The following PHACTR3 variants were observed in gnomAD, a reference collection of about 807,000 sequenced individuals.
The protein encoded by PHACTR3 is protein phosphatase 1, regulatory subunit 123.
A neutral mutation model predicts 66.8 loss-of-function variants in PHACTR3; 16 were observed. The observed-to-expected ratio is 0.24, with a 90% CI of 0.16 to 0.36. The LOEUF (loss-of-function observed/expected upper bound fraction) is 0.36, where lower values mean the gene tolerates loss of function less well. Among genes scored for constraint, PHACTR3 ranks in the 10% least tolerant of loss-of-function variants. PHACTR3 has a pLI of 1.00. For synonymous variants in PHACTR3, 323 were observed against 292.1 expected, an observed-to-expected ratio of 1.11 and a Z score of -1.08; for missense variants, 647 against 719.9, an observed-to-expected ratio of 0.90 and a Z score of 1.16.
At chr20:59,806,314 G>C in intron 8 of PHACTR3, 120 bp downstream of exon 8, 2 of 1,315,238 alleles carry the variant, frequency 1.5e-6, no homozygotes, top group Non-Finnish European at 2.1e-6. Flanking sequence ...TCTGCAGCAG[G>C]TCTCTTGACC....
At chr20:59,838,705 A>G (rs533078051) in intron 9 of PHACTR3, among the ~76,000 whole-genome samples, 6 of 152,172 alleles carry the variant, frequency 3.9e-5, no homozygotes, top group Non-Finnish European at 8.8e-5. Flanking sequence ...GCAGTAATAC[A>G]TTTCTGGATA....
chr20:59,658,030 T>C (rs757579140), intron 1 of PHACTR3, among the ~76,000 whole-genome samples: 5 of 152,182 alleles, frequency 3.3e-5, no homozygotes, highest in Non-Finnish European at 5.9e-5. Context: ...GATTGAATAA[T>C]CTCTGACTGT....
chr20:59,699,013 G>C (rs1045194662), intron 1 of PHACTR3, among the ~76,000 whole-genome samples: 1 of 152,134 alleles, frequency 6.6e-6, no homozygotes, highest in African/African-American at 2.4e-5. Flanking sequence ...CAAATCCCTA[G>C]GTCATGTCAG....
At chr20:59,743,805 T>C (rs548420271) in intron 2 of PHACTR3, among the ~76,000 whole-genome samples, 54 of 152,314 alleles carry the variant, frequency 3.5e-4, no homozygotes, top group African/African-American at 1.2e-3. Flanking sequence ...TTGACACCTC[T>C]GGGCCTCTCT....
intron 3 of PHACTR3, among the ~76,000 whole-genome samples, chr20:59,752,593 A>AGTCCTTGC (rs71183183): frequency 9.5e-4 from 145 of 152,158 alleles, no homozygotes; most frequent in African/African-American, 1.2e-3. Flanking sequence ...ACCTGCAAGA[A>AGTCCTTGC]AGCAGGGGAA....
At chr20:59,840,534 G>A in intron 10 of PHACTR3, 104 bp downstream of exon 10, 1 of 1,501,460 alleles carries the variant, frequency 6.7e-7, no homozygotes. Flanking sequence ...CTGTGATCAT[G>A]AATAATGTTC....
chr20:59,697,387 T>C (rs2037337618), intron 1 of PHACTR3, among the ~76,000 whole-genome samples: 1 of 152,178 alleles, frequency 6.6e-6, no homozygotes, highest in Non-Finnish European at 1.5e-5. Context: ...AAAGAAAAGG[T>C]ATTTTTCATG....
intron 1 of PHACTR3, among the ~76,000 whole-genome samples, chr20:59,659,234 TCTTG>T (rs1454817543): frequency 6.6e-6 from 1 of 152,234 alleles, no homozygotes; most frequent in Non-Finnish European, 1.5e-5. Context: ...AATCAAATGT[TCTTG>T]CTTCTTCAGG....
chr20:59,582,791 C>T (rs545325101), intron 1 of PHACTR3, among the ~76,000 whole-genome samples: 3 of 152,030 alleles, frequency 2.0e-5, no homozygotes, highest in African/African-American at 4.8e-5. Context: ...GGTTTGTGAG[C>T]GCCGTCGATC....
chr20:59,737,522 G>A (rs560082376), intron 1 of PHACTR3, among the ~76,000 whole-genome samples: 9 of 126,044 alleles, frequency 7.1e-5, no homozygotes, highest in Admixed American at 3.2e-4. Flanking sequence ...GCATGTGTGC[G>A]TGTATGTGTG....
intron 1 of PHACTR3, among the ~76,000 whole-genome samples, chr20:59,584,358 C>T (rs921627359): frequency 2.7e-5 from 4 of 146,754 alleles, no homozygotes; most frequent in East Asian, 4.1e-4. Context: ...CCTGTGTGTG[C>T]GTGATTGTGT....
intron 10 of PHACTR3, 86 bp downstream of exon 10, chr20:59,840,516 G>A: frequency 5.8e-6 from 9 of 1,563,098 alleles, no homozygotes; most frequent in Non-Finnish European, 7.8e-6. Flanking sequence ...GTAATGCTAG[G>A]TATCACTCTG....
intron 9 of PHACTR3, among the ~76,000 whole-genome samples, chr20:59,838,550 G>GTA (rs1422434212): frequency 6.6e-6 from 1 of 152,084 alleles, no homozygotes; most frequent in Non-Finnish European, 1.5e-5. Flanking sequence ...TCAGTACTTG[G>GTA]TATATATTCC....
chr20:59,780,453 A>G (rs752930629), intron 7 of PHACTR3, among the ~76,000 whole-genome samples: 4 of 152,202 alleles, frequency 2.6e-5, no homozygotes, highest in Non-Finnish European at 5.9e-5. Flanking sequence ...ACTTTCTCAT[A>G]GGTGGTGCCT....
chr20:59,733,018 T>C (rs530573981), intron 1 of PHACTR3, among the ~76,000 whole-genome samples: 2 of 151,558 alleles, frequency 1.3e-5, no homozygotes, highest in Non-Finnish European at 2.9e-5. Context: ...CTTTTAGGAA[T>C]AGAGCCATAG....
upstream of PHACTR3, among the ~76,000 whole-genome samples, chr20:59,600,255 C>T (rs575291576): frequency 6.6e-6 from 1 of 152,220 alleles, no homozygotes; most frequent in Non-Finnish European, 1.5e-5. Context: ...ATGAGGCATG[C>T]TGCACTCTGT....
At chr20:59,605,858 T>TGGGGGG (rs55834062) in intron 1 of PHACTR3, among the ~76,000 whole-genome samples, 1 of 87,686 alleles carries the variant, frequency 1.1e-5, no homozygotes, top group African/African-American at 4.8e-5. Context: ...GGGGGGGAGG[T>TGGGGGG]GGGGGGGGGG....
At chr20:59,732,978 C>G (rs2038821758) in intron 1 of PHACTR3, among the ~76,000 whole-genome samples, 1 of 151,868 alleles carries the variant, frequency 6.6e-6, no homozygotes, top group Admixed American at 6.6e-5. Flanking sequence ...GATGAATGAA[C>G]TTGCAGGGCT....
chr20:59,581,226 A>G (rs2032846969), intron 1 of PHACTR3, among the ~76,000 whole-genome samples: 1 of 152,216 alleles, frequency 6.6e-6, no homozygotes, highest in Admixed American at 6.5e-5. Context: ...TGCAGCCTTC[A>G]GTTTTCTTTC....
Sources: gnomAD v4.1 joint callset for allele counts (sites outside exome capture counted in the v4.1 genomes callset) on GRCh38, gnomAD v4.1.1 for gene constraint, MANE v1.5 for transcripts, NCBI Gene and HGNC (gene_info 2026-07-23, HGNC 2026-07-21) for gene names.